TBC1D10A: variants seen among roughly 807,000 people sequenced by gnomAD.
TBC1D10A encodes the protein EBP50-PDX interactor of 64 kDa.
Under a neutral mutation model 52.9 loss-of-function variants are expected in TBC1D10A, and 24 were observed. The ratio of observed to expected loss-of-function variants is 0.45; its 90% CI spans 0.33 to 0.64. The LOEUF (loss-of-function observed/expected upper bound fraction) is 0.64, where lower values mean the gene tolerates loss of function less well. Ranked by LOEUF, TBC1D10A falls within the 30% of genes least tolerant of loss-of-function variation. The pLI, the probability that TBC1D10A is intolerant of heterozygous loss-of-function variation, is 0.02. For synonymous variants in TBC1D10A, 278 were observed against 282.9 expected, an observed-to-expected ratio of 0.98 and a Z score of 0.17; for missense variants, 602 against 687.9, an observed-to-expected ratio of 0.88 and a Z score of 1.40.
At chr22:30,294,149 C>T (rs775829971) in intron 6 of TBC1D10A, 39 bp from the exon 7 acceptor site, 3 of 1,602,154 alleles carry the variant, frequency 1.9e-6, no homozygotes, top group South Asian at 2.2e-5. Context: ...TGACCGTGGG[C>T]TGCAGGAGCC....
intron 1 of TBC1D10A, among the ~76,000 whole-genome samples, chr22:30,306,871 G>C (rs1184341118): frequency 6.6e-6 from 1 of 152,182 alleles, no homozygotes; most frequent in East Asian, 1.9e-4. Flanking sequence ...ATATACTCCT[G>C]AAACATTGCA....
chr22:30,305,496 G>A (rs550323693), intron 1 of TBC1D10A: 6 of 152,410 alleles, frequency 3.9e-5, no homozygotes, highest in South Asian at 2.1e-4. Context: ...CTTGCTTAGC[G>A]TTCAATCAGT....
At chr22:30,303,808 AAC>A (rs368263814) in intron 2 of TBC1D10A, among the ~76,000 whole-genome samples, 24 of 152,264 alleles carry the variant, frequency 1.6e-4, no homozygotes, top group African/African-American at 5.3e-4. Context: ...CAAGGATATC[AAC>A]ACACACACAC....
chr22:30,310,259 T>C (rs566639381), intron 1 of TBC1D10A, among the ~76,000 whole-genome samples: 1 of 152,296 alleles, frequency 6.6e-6, no homozygotes, highest in East Asian at 1.9e-4. Context: ...AATAAATGTG[T>C]ACAAGGGCCC....
At chr22:30,315,710 T>G (rs984907040) in intron 1 of TBC1D10A, among the ~76,000 whole-genome samples, 5 of 152,230 alleles carry the variant, frequency 3.3e-5, no homozygotes, top group Non-Finnish European at 7.3e-5. Context: ...TCCGAACTTA[T>G]GCTCCTTCAC....
Position 30,292,364 on chromosome 22 carries a change from A to G in TBC1D10A, c.*11T>C, listed in dbSNP as rs2145758995. The G allele has an allele frequency of 6.6e-7, 1 of 1,525,190 alleles. No homozygotes were observed. Among genetic ancestry groups the G allele is most frequent in the South Asian group, 1.3e-5 (1 of 76,978 alleles). The allele number at this position is 1,525,190 out of a possible 1,614,324, so 94.5% of individuals were successfully genotyped here. A position where few individuals can be genotyped will look rare whatever the true frequency, so the allele number is the denominator to read the frequency against. On this transcript the variant is annotated 3_prime_UTR_variant, in exon 9 of 9. Transcript: ENST00000215790. ...ATGGAGACCCCGCCCTGGAGGCCTT[A>G]GCTGCCAGGGTTACAAGTAGGTGTC...
chr22:30,322,797 T>C (rs1188535787), intron 1 of TBC1D10A, among the ~76,000 whole-genome samples: 1 of 151,656 alleles, frequency 6.6e-6, no homozygotes, highest in East Asian at 1.9e-4. Context: ...GGTTTCACCA[T>C]GTTGGCCAGG....
At position 30,294,937 on chromosome 22, in the gene TBC1D10A, G is replaced by T. The variant is rs745777294; in HGVS notation, c.639+4C>A. ...CCCCCTGCCTGCCCGGGGCCTGGTGGTACCTCAGCAGGCATATGCATGAGC... is the reference window on the plus strand; with the variant it reads ...CCCCCTGCCTGCCCGGGGCCTGGTGTTACCTCAGCAGGCATATGCATGAGC... On this transcript the variant is annotated splice_donor_region_variant and intron_variant, in intron 5 of 8. Coordinates refer to ENST00000215790, the MANE Select transcript of TBC1D10A (RefSeq NM_031937.3). 1 of 1,613,848 alleles carries T rather than the reference G, an allele frequency of 6.2e-7. No homozygotes were observed. Among genetic ancestry groups the T allele is most frequent in the African/African-American group, 1.3e-5 (1 of 74,930 alleles).
At position 30,297,157 on chromosome 22, in the gene TBC1D10A, TGA is replaced by T. The variant is rs1003624334; in HGVS notation, c.418-1316_418-1315del. 2 of 152,452 alleles carry T rather than the reference TGA, an allele frequency of 1.3e-5. No individual in the cohort carries two copies. The highest frequency in any genetic ancestry group is 4.8e-5 in the African/African-American group (2 of 41,464). The allele number at this position is 152,452 out of a possible 1,614,324, so 9.4% of individuals were successfully genotyped here. A position where few individuals can be genotyped will look rare whatever the true frequency, so the allele number is the denominator to read the frequency against. On this transcript the variant is annotated intron_variant, in intron 3 of 8. Coordinates refer to ENST00000215790, the MANE Select transcript of TBC1D10A (RefSeq NM_031937.3). This position sits in a 1 kb window ranked among gnomAD's most constrained non-coding sequence, Gnocchi z 4.3. The stretch of plus-strand genomic sequence containing the variant: ...AGGAACTTGACTAGAGGGTAAGGAC[TGA>T]GAGGAGCGGCTGACAGAGTGTTCAG...
intron 2 of TBC1D10A, among the ~76,000 whole-genome samples, chr22:30,303,346 T>TAGAC (rs1301181212): frequency 1.4e-5 from 2 of 140,148 alleles, no homozygotes; most frequent in Non-Finnish European, 3.3e-5. Flanking sequence ...GACAGATAGA[T>TAGAC]AGACAGATAG....
At chr22:30,293,089 G>A (rs936075644) in intron 8 of TBC1D10A, 41 of 619,526 alleles carry the variant, frequency 6.6e-5, no homozygotes, top group Non-Finnish European at 1.0e-4. Flanking sequence ...ACAGCTTCAC[G>A]AGTCCACCTG....
At chr22:30,316,145 G>A (rs1164757743) in intron 1 of TBC1D10A, among the ~76,000 whole-genome samples, 1 of 152,178 alleles carries the variant, frequency 6.6e-6, no homozygotes, top group Admixed American at 6.5e-5. Flanking sequence ...AGCATCCCTT[G>A]ATTTGATTAC....
chr22:30,295,995 A>G, intron 3 of TBC1D10A, 152 bp from the exon 4 acceptor site: 2 of 667,728 alleles, frequency 3.0e-6, no homozygotes, highest in Non-Finnish European at 5.0e-6. Context: ...AAGGACAGGA[A>G]GAGAAGCTCA....
At chr22:30,319,557 T>C (rs2145784659) in intron 1 of TBC1D10A, among the ~76,000 whole-genome samples, 1 of 152,220 alleles carries the variant, frequency 6.6e-6, no homozygotes, top group South Asian at 2.1e-4. Context: ...TATGGCAGCC[T>C]CTGAAGACCT....
At chr22:30,320,259 G>C (rs1037036089) in intron 1 of TBC1D10A, among the ~76,000 whole-genome samples, 4 of 152,104 alleles carry the variant, frequency 2.6e-5, no homozygotes, top group African/African-American at 7.2e-5. Context: ...CATGCTTCCA[G>C]GACCTCTCCA....
intron 1 of TBC1D10A, among the ~76,000 whole-genome samples, chr22:30,324,322 T>C (rs770881685): frequency 6.6e-6 from 1 of 152,180 alleles, no homozygotes; most frequent in Non-Finnish European, 1.5e-5. Context: ...GACTTACTCT[T>C]GGCTTTTTTG....
chr22:30,315,650 C>T (rs1412715862), intron 1 of TBC1D10A, among the ~76,000 whole-genome samples: 1 of 152,216 alleles, frequency 6.6e-6, no homozygotes, highest in African/African-American at 2.4e-5. Flanking sequence ...AAGATCGCTT[C>T]TGGACTCACA....
intron 8 of TBC1D10A, 200 bp downstream of exon 8, chr22:30,293,451 G>A (rs1865035448): frequency 2.4e-6 from 2 of 825,258 alleles, no homozygotes; most frequent in Admixed American, 4.2e-5. Flanking sequence ...GATCCAGAAG[G>A]CCCTGCAGAG....
At chr22:30,315,468 G>A (rs1211221994) in intron 1 of TBC1D10A, among the ~76,000 whole-genome samples, 10 of 152,120 alleles carry the variant, frequency 6.6e-5, no homozygotes, top group Non-Finnish European at 1.0e-4. Context: ...TCGCTATGTT[G>A]CCCAGGCTGG....
Sources: gnomAD v4.1 joint callset for allele counts (sites outside exome capture counted in the v4.1 genomes callset) on GRCh38, gnomAD v4.1.1 for gene constraint, Gnocchi (gnomAD v3.1) non-coding constraint, MANE v1.5 for transcripts, NCBI Gene and HGNC (gene_info 2026-07-23, HGNC 2026-07-21) for gene names.